Variants in ENTPD1 observed in about 807,000 individuals in gnomAD.
ENTPD1 encodes the protein ATP diphosphohydrolase.
ENTPD1 carries 33 observed loss-of-function variants against 57.0 expected under a neutral mutation model. That is an observed-to-expected ratio of 0.58 (90% CI 0.44 to 0.77). The LOEUF (loss-of-function observed/expected upper bound fraction) is 0.77. Among genes scored for constraint, ENTPD1 ranks in the 30% least tolerant of loss-of-function variants. ENTPD1 has a pLI of 0.00. For synonymous variants in ENTPD1, 202 were observed against 218.8 expected (o/e 0.92, Z 0.68); for missense variants, 501 against 603.4 (o/e 0.83, Z 1.78).
At chr10:95,828,160 C>T (rs2098384219) in intron 2 of ENTPD1, among the ~76,000 whole-genome samples, 1 of 152,162 alleles carries the variant, frequency 6.6e-6, no homozygotes, top group African/African-American at 2.4e-5. Flanking sequence ...TCCCCATCGC[C>T]CACATTACTG....
rs192199787 is a variant in ENTPD1, at chr10:95,856,227, C to A, written c.1075-4242C>A. Among the ~76,000 whole-genome samples, 930 of 152,128 alleles carry A rather than the reference C, an allele frequency of 6.1e-3. 6 individuals carry two copies. The highest frequency in any genetic ancestry group is 1.0e-2 in the Non-Finnish European group (679 of 67,966). ...TAAAAGAAGATATACAAATGGCCAA[C>A]AAACATGAAAAAATGCTCAACATCA... On this transcript the variant is annotated intron_variant, in intron 7 of 9. Transcript: ENST00000371205.
chr10:95,762,614 T>C (rs1302076953), intron 1 of ENTPD1, among the ~76,000 whole-genome samples: 1 of 152,238 alleles, frequency 6.6e-6, no homozygotes, highest in African/African-American at 2.4e-5. Flanking sequence ...ACAGTTCTCC[T>C]GTTATTGAAT....
intron 1 of ENTPD1, among the ~76,000 whole-genome samples, chr10:95,797,068 A>C (rs536207102): frequency 9.9e-5 from 15 of 152,212 alleles, no homozygotes; most frequent in Non-Finnish European, 1.3e-4. Context: ...GCAAGACTCT[A>C]TCTGAAAAAA....
intron 7 of ENTPD1, among the ~76,000 whole-genome samples, chr10:95,856,118 G>A (rs375059455): frequency 6.6e-6 from 1 of 152,084 alleles, no homozygotes; most frequent in Non-Finnish European, 1.5e-5. Context: ...CCATATTTCT[G>A]GGAGGCTTTG....
At chr10:95,817,140 T>A (rs2098332645) in intron 1 of ENTPD1, among the ~76,000 whole-genome samples, 1 of 152,196 alleles carries the variant, frequency 6.6e-6, no homozygotes. Context: ...TGGATCCTGA[T>A]GATTGTTGGC....
At chr10:95,817,159 C>T (rs561210977) in intron 1 of ENTPD1, among the ~76,000 whole-genome samples, 87 of 152,246 alleles carry the variant, frequency 5.7e-4, no homozygotes, top group African/African-American at 1.9e-3. Flanking sequence ...GCTCGGTGAC[C>T]CTTCCTGATG....
intron 1 of ENTPD1, among the ~76,000 whole-genome samples, chr10:95,776,373 G>T (rs1040832750): frequency 6.6e-6 from 1 of 152,136 alleles, no homozygotes; most frequent in Non-Finnish European, 1.5e-5. Flanking sequence ...GTCTGTAAAG[G>T]ATTTTATTTC....
chr10:95,837,605 A>C (rs1228604427), intron 2 of ENTPD1, among the ~76,000 whole-genome samples: 3 of 152,140 alleles, frequency 2.0e-5, no homozygotes, highest in African/African-American at 7.2e-5. Context: ...TGTAACTAGG[A>C]AGAGAACACT....
At chr10:95,724,818 T>C (rs1408109122) in intron 1 of ENTPD1, among the ~76,000 whole-genome samples, 5 of 152,198 alleles carry the variant, frequency 3.3e-5, no homozygotes, top group African/African-American at 1.2e-4. Context: ...CAAGATTTAA[T>C]AGAGTGAAAA....
chr10:95,847,504 T>G lies in ENTPD1; in HGVS notation c.872T>G (p.Val291Gly). 4.3e-6 allele frequency: 7 copies of G among 1,614,164 alleles called. No individual in the cohort carries two copies. The East Asian group carries it at 8.9e-5, about 21-fold the overall frequency. The stretch of plus-strand genomic sequence containing the variant: ...TTTCATCCTGGATATAAGAAGGTAG[T>G]GAACGTAAGTGACCTTTACAAGACC... ...PCFHPGYKKVVNVSDLYKTPC... is the reference protein window; with the variant it reads ...PCFHPGYKKVGNVSDLYKTPC... Residue 291 changes from valine (V) to glycine (G), a missense_variant, in exon 7 of 10, where the codon GTG becomes GGG. Transcript: ENST00000371205.
rs2098480125 is a variant in ENTPD1 at position 95,871,289 on chromosome 10, A to G, written c.*4906A>G. 15 of 984,746 alleles carry G rather than the reference A, an allele frequency of 1.5e-5. No individual in the cohort carries two copies. The highest frequency in any genetic ancestry group is 1.8e-5 in the Non-Finnish European group (15 of 829,278). The allele number at this position is 984,746 out of a possible 1,614,324, so 61.0% of individuals were successfully genotyped here. Reference sequence around the variant, plus strand: ...TAAAATGTGTTTACTGTAAAATATAATCTGTTTATCTCACCAAAGAAATAT... The same window carrying G: ...TAAAATGTGTTTACTGTAAAATATAGTCTGTTTATCTCACCAAAGAAATAT... On this transcript the variant is annotated 3_prime_UTR_variant, in exon 10 of 10. Transcript: ENST00000371205.
chr10:95,715,335 G>A (rs183358701), intron 1 of ENTPD1, among the ~76,000 whole-genome samples: 64 of 152,208 alleles, frequency 4.2e-4, no homozygotes, highest in African/African-American at 1.5e-3. Flanking sequence ...TTGTCTTAAT[G>A]TGCCTTGTCA....
chr10:95,704,262 A>C, the ENTPD1 span, among the ~76,000 whole-genome samples: 1 of 152,198 alleles, frequency 6.6e-6, no homozygotes, highest in Non-Finnish European at 1.5e-5. Flanking sequence ...TAAAAATTTC[A>C]GCATTTTTGG....
At chr10:95,823,141 T>C (rs538101131) in intron 1 of ENTPD1, 96 bp from the exon 2 acceptor site, 1 of 1,459,818 alleles carries the variant, frequency 6.9e-7, no homozygotes, top group Admixed American at 1.7e-5. Flanking sequence ...GTCTCTGATG[T>C]CTCCAGGTAG....
chr10:95,800,593 A>G (rs1387197017), intron 1 of ENTPD1, among the ~76,000 whole-genome samples: 1 of 152,164 alleles, frequency 6.6e-6, no homozygotes, highest in Non-Finnish European at 1.5e-5. Context: ...TGCATAAGAC[A>G]GACATTCCCA....
rs371256855 is a variant in ENTPD1 at position 95,860,453 on chromosome 10, C to A, written c.1075-16C>A. ...CTGTGTGGAACACAGCCTAAAACTG[C>A]GATTTTCTCTTGTAGGCATTTTCAG... is the stretch of plus-strand genomic sequence containing the variant. On this transcript the variant is annotated splice_polypyrimidine_tract_variant and intron_variant, in intron 7 of 9. Transcript: ENST00000371205. The A allele has an allele frequency of 1.9e-6, 3 of 1,605,272 alleles. No homozygotes were observed. The highest frequency in any genetic ancestry group is 2.2e-5 in the South Asian group (2 of 90,132).
intron 1 of ENTPD1, among the ~76,000 whole-genome samples, chr10:95,727,117 G>T (rs1275881043): frequency 6.6e-6 from 1 of 152,140 alleles, no homozygotes; most frequent in Non-Finnish European, 1.5e-5. Context: ...CAGGTTATGA[G>T]ATTTGTTTGG....
chr10:95,771,734 A>G (rs1275766822), intron 1 of ENTPD1, among the ~76,000 whole-genome samples: 1 of 152,196 alleles, frequency 6.6e-6, no homozygotes, highest in African/African-American at 2.4e-5. Flanking sequence ...ATGAGAGAAG[A>G]TGTACACTTC....
intron 2 of ENTPD1, among the ~76,000 whole-genome samples, chr10:95,824,922 G>A (rs1004309287): frequency 1.3e-5 from 2 of 152,168 alleles, no homozygotes; most frequent in African/African-American, 4.8e-5. Flanking sequence ...TAACATCACT[G>A]ATTTATTTTA....
Sources: allele counts gnomAD v4.1 joint callset (sites outside exome capture counted in the v4.1 genomes callset), GRCh38; gene constraint gnomAD v4.1.1; transcripts MANE v1.5; gene names NCBI Gene and HGNC (gene_info 2026-07-23, HGNC 2026-07-21).